Variants in CNOT7 observed in about 807,000 individuals in gnomAD.
CNOT7 encodes CCR4-NOT transcription complex subunit 7, also known as BTG1-binding factor 1.
In CNOT7, 4 loss-of-function variants were observed where a neutral mutation model predicts 37.1. The ratio of observed to expected loss-of-function variants is 0.11; its 90% CI spans 0.05 to 0.25. CNOT7 has a LOEUF of 0.25. CNOT7 is among the 10% of genes least tolerant of loss of function. The pLI is 1.00. For synonymous variants in CNOT7, 128 were observed against 115.6 expected (o/e 1.11, Z -0.69); for missense variants, 170 against 336.2 (o/e 0.51, Z 3.87).
chr8:17,238,210 G>A (rs1432710321), intron 3 of CNOT7, among the ~76,000 whole-genome samples: 3 of 152,138 alleles, frequency 2.0e-5, no homozygotes, highest in Non-Finnish European at 4.4e-5. Flanking sequence ...TTGAGAATAC[G>A]TGAAAAAGTG....
At chr8:17,246,541 C>G (rs1054001125) in intron 1 of CNOT7, 134 bp downstream of exon 1, 14 of 154,158 alleles carry the variant, frequency 9.1e-5, no homozygotes, top group African/African-American at 3.4e-4. Context: ...CAACCCGCCG[C>G]CAGGCTCCTT....
chr8:17,232,268 AT>A lies in CNOT7; in HGVS notation c.729+158del. On this transcript the variant is annotated intron_variant, in intron 6 of 6. Transcript: ENST00000361272. ...TCTGAACTACATTTCAAGATGACTT[AT>A]TTTTGAATACTTTTAAGTGTGGTGG... 5 of 1,469,850 alleles carry A rather than the reference AT, an allele frequency of 3.4e-6. No homozygotes were observed. The South Asian group carries it at 5.5e-5, about 16-fold the overall frequency. 91.1% of individuals were successfully genotyped at this position (1,469,850 alleles called of 1,614,324 possible). A position where few individuals can be genotyped will look rare whatever the true frequency, so the allele number is the denominator to read the frequency against.
chr8:17,243,126 G>A lies in CNOT7; in HGVS notation c.177C>T (p.Asp59=). Residue 59 remains aspartate (D), a synonymous_variant, in exon 3 of 7, where the codon GAC becomes GAT. Coordinates refer to ENST00000361272, the MANE Select transcript of CNOT7 (RefSeq NM_013354.7). ...TACACCGCAATAGTTGGTATTGATA[G>A]TCAGCATTGCTCCTGAATTCTCCAA... ...RPIGEFRSNA[D]YQYQLLRCNV... is the part of the protein sequence containing the mutation. 6.2e-7 allele frequency: 1 copy of A among 1,609,830 alleles called. No individual in the cohort carries two copies. Among genetic ancestry groups the A allele is most frequent in the Non-Finnish European group, 8.5e-7 (1 of 1,179,016 alleles).
chr8:17,242,349 T>C (rs1810297618), intron 3 of CNOT7: 1 of 152,210 alleles, frequency 6.6e-6, no homozygotes. Flanking sequence ...AAAACTTCCC[T>C]TAGCTATCAA....
intron 2 of CNOT7, chr8:17,244,486 G>A (rs1810622244): frequency 6.6e-6 from 1 of 152,364 alleles, no homozygotes; most frequent in Admixed American, 6.5e-5. Flanking sequence ...ATGTTCTCCT[G>A]TTGAACACAA....
intron 6 of CNOT7, chr8:17,232,074 G>A: frequency 2.9e-6 from 3 of 1,026,224 alleles, no homozygotes; most frequent in South Asian, 3.1e-5. Flanking sequence ...AGCACCAATG[G>A]GAGTCAGAAA....
intron 2 of CNOT7, among the ~76,000 whole-genome samples, chr8:17,244,027 T>G (rs1324100002): frequency 6.6e-6 from 1 of 152,202 alleles, no homozygotes; most frequent in South Asian, 2.1e-4. Context: ...CAAGTCACTA[T>G]GAAATAGTAA....
chr8:17,231,777 C>T (rs983009049), intron 6 of CNOT7: 1 of 985,372 alleles, frequency 1.0e-6, no homozygotes, highest in African/African-American at 1.7e-5. Flanking sequence ...ATTCTTCCAT[C>T]CCTAACACTT....
At chr8:17,232,684 A>C in intron 5 of CNOT7, 147 bp from the exon 6 acceptor site, 2 of 652,746 alleles carry the variant, frequency 3.1e-6, no homozygotes, top group East Asian at 5.4e-5. Flanking sequence ...AGAAACAGAG[A>C]ATGTGAATTA....
intron 3 of CNOT7, 134 bp from the exon 4 acceptor site, chr8:17,237,507 T>A: frequency 1.5e-6 from 1 of 678,622 alleles, no homozygotes; most frequent in Non-Finnish European, 2.5e-6. Flanking sequence ...TTCAATGCTT[T>A]ATATATATGC....
chr8:17,227,707 ACT>A lies in CNOT7; in HGVS notation c.*3011_*3012del, dbSNP rs1437230296. On this transcript the variant is annotated 3_prime_UTR_variant, in exon 7 of 7. Transcript: ENST00000361272. ...GGGAATATTGTGATGTTAGTCTGAT[ACT>A]GTCAGTCTATTCTTTTACCAGTTAT... 3.3e-5 allele frequency: 5 copies of A among 151,868 alleles called. No individual in the cohort carries two copies. 9.4% of individuals were successfully genotyped at this position (151,868 alleles called of 1,614,324 possible). A position where few individuals can be genotyped will look rare whatever the true frequency, so the allele number is the denominator to read the frequency against.
intron 5 of CNOT7, among the ~76,000 whole-genome samples, chr8:17,233,670 C>G (rs1055909059): frequency 6.6e-6 from 1 of 152,172 alleles, no homozygotes; most frequent in Non-Finnish European, 1.5e-5. Flanking sequence ...CTGAATTTCT[C>G]AAGCAAGGGA....
chr8:17,239,695 G>A (rs1473678802), intron 3 of CNOT7, among the ~76,000 whole-genome samples: 7 of 152,006 alleles, frequency 4.6e-5, no homozygotes, highest in East Asian at 2.0e-4. Flanking sequence ...GGGTTTCACC[G>A]TGTTAGCCAG....
At chr8:17,239,740 G>A (rs548013452) in intron 3 of CNOT7, among the ~76,000 whole-genome samples, 6 of 151,866 alleles carry the variant, frequency 4.0e-5, no homozygotes, top group East Asian at 3.9e-4. Context: ...TGATCCGCCC[G>A]CCTCGGCCTC....
chr8:17,241,023 G>C (rs1249954515), intron 3 of CNOT7, among the ~76,000 whole-genome samples: 1 of 152,124 alleles, frequency 6.6e-6, no homozygotes, highest in Non-Finnish European at 1.5e-5. Flanking sequence ...GCCAAGGGTT[G>C]GACAAGTTTA....
Position 17,228,578 on chromosome 8 carries a change from C to T in CNOT7, c.*2142G>A, listed in dbSNP as rs1391471683. 3.3e-5 allele frequency: 5 copies of T among 151,880 alleles called. No homozygotes were observed. The highest frequency in any genetic ancestry group is 1.2e-4 in the African/African-American group (5 of 41,406). The allele number at this position is 151,880 out of a possible 1,614,324, so 9.4% of individuals were successfully genotyped here. On this transcript the variant is annotated 3_prime_UTR_variant, in exon 7 of 7. Transcript: ENST00000361272. The stretch of plus-strand genomic sequence containing the variant: ...ATACACATTCAGTAGAAACTATAAC[C>T]CCATCTTTGGTCCTAAGGCGCTCCT...
In CNOT7 at chr8:17,230,247, A is replaced by G. The variant is rs887894740; in HGVS notation, c.*473T>C. ...TTCCAGCTAAGATCAAGAAAAAACA[A>G]ATTTTCTGATAAAACAGGTTTAGAG... On this transcript the variant is annotated 3_prime_UTR_variant, in exon 7 of 7. Transcript: ENST00000361272. The G allele has an allele frequency of 6.6e-6, 1 of 152,560 alleles. No homozygotes were observed. The highest frequency in any genetic ancestry group is 1.5e-5 in the Non-Finnish European group (1 of 67,998). The allele number at this position is 152,560 out of a possible 1,614,324, so 9.5% of individuals were successfully genotyped here. A position where few individuals can be genotyped will look rare whatever the true frequency, so the allele number is the denominator to read the frequency against.
At chr8:17,234,468 C>G (rs1433249774) in intron 5 of CNOT7, 4 of 436,196 alleles carry the variant, frequency 9.2e-6, no homozygotes, top group Non-Finnish European at 1.7e-5. Context: ...CAAGCAGTGA[C>G]AAGAACCGGA....
chr8:17,240,751 G>A (rs909808162), intron 3 of CNOT7, among the ~76,000 whole-genome samples: 1 of 152,076 alleles, frequency 6.6e-6, no homozygotes, highest in African/African-American at 2.4e-5. Context: ...TTTTAATAAA[G>A]GTTTATCATT....
Sources: gnomAD v4.1 joint callset for allele counts (sites outside exome capture counted in the v4.1 genomes callset) on GRCh38, gnomAD v4.1.1 for gene constraint, MANE v1.5 for transcripts, NCBI Gene and HGNC (gene_info 2026-07-23, HGNC 2026-07-21) for gene names.